The following TBL3 variants were observed in gnomAD, a reference collection of about 807,000 sequenced individuals.
TBL3 encodes transducin beta-like protein 3.
Under a neutral mutation model 102.7 loss-of-function variants are expected in TBL3, and 71 were observed. That is an observed-to-expected ratio of 0.69 (90% CI 0.57 to 0.84). TBL3 has a LOEUF of 0.84. TBL3 is among the 40% of genes least tolerant of loss of function. The pLI, the probability that TBL3 is intolerant of heterozygous loss-of-function variation, is 0.00. For synonymous variants in TBL3, 578 were observed against 477.7 expected, an observed-to-expected ratio of 1.21 and a Z score of -2.74; for missense variants, 1,188 against 1,098.5, an observed-to-expected ratio of 1.08 and a Z score of -1.15.
rs1182157679 is a variant in TBL3, at chr16:1,979,911, C to G, written c.*1226C>G. 3 of 1,580,106 alleles carry G rather than the reference C, an allele frequency of 1.9e-6. No homozygotes were observed. Among genetic ancestry groups the G allele is most frequent in the South Asian group, 2.3e-5 (2 of 87,136 alleles). Reference sequence around the variant, plus strand: ...TCTCCACCAGCCACCAGCCTGTGCGCAAGAAGCGGGCAGGGACTCAAATCT... The same window carrying G: ...TCTCCACCAGCCACCAGCCTGTGCGGAAGAAGCGGGCAGGGACTCAAATCT... On this transcript the variant is annotated 3_prime_UTR_variant, in exon 22 of 22. Coordinates refer to ENST00000568546, the MANE Select transcript of TBL3 (RefSeq NM_006453.3).
Position 1,975,995 on chromosome 16 carries a change from CCTTG to C in TBL3, c.1130-53_1130-50del, listed in dbSNP as rs760618724. On this transcript the variant is annotated intron_variant, in intron 11 of 21. Coordinates refer to ENST00000568546, the MANE Select transcript of TBL3 (RefSeq NM_006453.3). ...TGACACCCTGGGAGCCGCCTCGGTC[CCTTG>C]CTTGCTTCCCTTCCCCCGTCTTGCT... 1.1e-5 allele frequency: 17 copies of C among 1,614,074 alleles called. No homozygotes were observed. In the Admixed American group the frequency reaches 2.5e-4, roughly 24 times the overall value.
Position 1,976,867 on chromosome 16 carries a change from G to A in TBL3, c.1346G>A (p.Trp449Ter), listed in dbSNP as rs770350253. The change falls in exon 14 of 22, where the codon TGG becomes TAG. Residue 449 changes from tryptophan to a stop codon, truncating the protein, a stop_gained. Coordinates refer to ENST00000568546, the MANE Select transcript of TBL3 (RefSeq NM_006453.3). LOFTEE classifies it high-confidence loss of function. ...AGCCAGGACTGCACTGTGAAGCTGT[G>A]GCCTCTTCCCAAAGCCTTGCTGTCC... is the stretch of plus-strand genomic sequence containing the variant. ...TGSQDCTVKL[W>*]PLPKALLSKN... 15 of 1,613,926 alleles carry A rather than the reference G, an allele frequency of 9.3e-6. No individual in the cohort carries two copies. Among genetic ancestry groups the A allele is most frequent in the Non-Finnish European group, 8.5e-7 (1 of 1,179,984 alleles).
chr16:1,980,191 G>A lies in TBL3; in HGVS notation c.*1506G>A, dbSNP rs1282915718. 2 of 1,593,080 alleles carry A rather than the reference G, an allele frequency of 1.3e-6. No individual in the cohort carries two copies. The highest frequency in any genetic ancestry group is 1.3e-5 in the African/African-American group (1 of 74,770). The stretch of plus-strand genomic sequence containing the variant: ...GGGCAGGATCACCCGGCTGGGAAGG[G>A]CAGCCCGTACGAGTGAGAGGTAGGC... On this transcript the variant is annotated 3_prime_UTR_variant, in exon 22 of 22. Coordinates refer to ENST00000568546, the MANE Select transcript of TBL3 (RefSeq NM_006453.3).
At chr16:1,973,046 T>TG (rs2083371545) in intron 1 of TBL3, among the ~76,000 whole-genome samples, 1 of 152,108 alleles carries the variant, frequency 6.6e-6, no homozygotes, top group Non-Finnish European at 1.5e-5. Flanking sequence ...GAGGCTCTTC[T>TG]GGGCAAGGTC....
In TBL3 at chr16:1,979,473, G is replaced by C. The variant is rs2083452524; in HGVS notation, c.*788G>C. 1 of 1,611,524 alleles carries C rather than the reference G, an allele frequency of 6.2e-7. No individual in the cohort carries two copies. The highest frequency in any genetic ancestry group is 1.3e-5 in the African/African-American group (1 of 74,898). ...TGACGTTTCCAACACGCGCACGCGC[G>C]CCCCCGCGGGCACGGACAGCTCATC... On this transcript the variant is annotated 3_prime_UTR_variant, in exon 22 of 22. Transcript: ENST00000568546.
Position 1,981,253 on chromosome 16 carries a change from TGG to T in TBL3, c.*2572_*2573del, listed in dbSNP as rs1201238536. 12 of 1,594,964 alleles carry T rather than the reference TGG, an allele frequency of 7.5e-6. No homozygotes were observed. In the Admixed American group the frequency reaches 2.1e-4, roughly 28 times the overall value. On this transcript the variant is annotated 3_prime_UTR_variant, in exon 22 of 22. Transcript: ENST00000568546. The stretch of plus-strand genomic sequence containing the variant: ...TGCCTCCCCGTGCTTGAGAGGGCTC[TGG>T]GGGACCCAGAAAACCCCCTGGGATA...
chr16:1,978,753 G>C lies in TBL3; in HGVS notation c.*68G>C. 6.4e-7 allele frequency: 1 copy of C among 1,556,750 alleles called. No homozygotes were observed. The highest frequency in any genetic ancestry group is 8.7e-7 in the Non-Finnish European group (1 of 1,145,364). ...CCCATAAAGGCCGCTCTCCTGGCCGGCTCTGTCTCTCTGGACTGCAGTCCA... is the reference window on the plus strand; with the variant it reads ...CCCATAAAGGCCGCTCTCCTGGCCGCCTCTGTCTCTCTGGACTGCAGTCCA... On this transcript the variant is annotated 3_prime_UTR_variant, in exon 22 of 22. Coordinates refer to ENST00000568546, the MANE Select transcript of TBL3 (RefSeq NM_006453.3).
Position 1,974,461 on chromosome 16 carries a change from G to A in TBL3, c.237+38G>A, listed in dbSNP as rs202047508. 58 of 1,591,974 alleles carry A rather than the reference G, an allele frequency of 3.6e-5. No individual in the cohort carries two copies. In the African/African-American group the frequency reaches 5.0e-4, roughly 14 times the overall value. ...GGGCCTGGAGGGGACCCGCTCCAGCGCCTCCCTCCCAGACTGAGTCCAGGA... is the reference window on the plus strand; with the variant it reads ...GGGCCTGGAGGGGACCCGCTCCAGCACCTCCCTCCCAGACTGAGTCCAGGA... On this transcript the variant is annotated intron_variant, in intron 4 of 21. Coordinates refer to ENST00000568546, the MANE Select transcript of TBL3 (RefSeq NM_006453.3).
chr16:1,977,848 G>A (rs768708527), intron 18 of TBL3, 48 bp downstream of exon 18: 1 of 1,574,774 alleles, frequency 6.4e-7, no homozygotes, highest in Non-Finnish European at 8.6e-7. Flanking sequence ...CCTGCTCTGT[G>A]CTGTAGGGAA....
rs778686590 is a variant in TBL3 at position 1,977,599 on chromosome 16, GGGCT to G, written c.1830_1833del (p.Leu611ThrfsTer24). The G allele has an allele frequency of 1.3e-6, 2 of 1,567,830 alleles. No homozygotes were observed. Among genetic ancestry groups the G allele is most frequent in the Non-Finnish European group, 1.7e-6 (2 of 1,155,494 alleles). The stretch of plus-strand genomic sequence containing the variant: ...GGATGCCCACGAGGACAAGGTCTGG[GGGCT>G]GCACTGCAGCCGGCTGGACGACCAC... On this transcript the variant is annotated frameshift_variant, in exon 17 of 22. Coordinates refer to ENST00000568546, the MANE Select transcript of TBL3 (RefSeq NM_006453.3). LOFTEE classifies it high-confidence loss of function.
intron 13 of TBL3, 43 bp from the exon 14 acceptor site, chr16:1,976,771 G>C: frequency 1.2e-6 from 2 of 1,606,956 alleles, no homozygotes; most frequent in Non-Finnish European, 1.7e-6. Flanking sequence ...ATCAGGGCTG[G>C]CTGGGGCTCA....
chr16:1,978,764 C>G lies in TBL3; in HGVS notation c.*79C>G, dbSNP rs2083429913. Reference sequence around the variant, plus strand: ...CGCTCTCCTGGCCGGCTCTGTCTCTCTGGACTGCAGTCCAGCCCCCCACCC... The same window carrying G: ...CGCTCTCCTGGCCGGCTCTGTCTCTGTGGACTGCAGTCCAGCCCCCCACCC... On this transcript the variant is annotated 3_prime_UTR_variant, in exon 22 of 22. Coordinates refer to ENST00000568546, the MANE Select transcript of TBL3 (RefSeq NM_006453.3). 6.5e-7 allele frequency: 1 copy of G among 1,534,558 alleles called. No individual in the cohort carries two copies. The highest frequency in any genetic ancestry group is 8.8e-7 in the Non-Finnish European group (1 of 1,131,284).
rs2083495081 is a variant in TBL3, at chr16:1,980,910, C to T, written c.*2225C>T. On this transcript the variant is annotated 3_prime_UTR_variant, in exon 22 of 22. Transcript: ENST00000568546. ...CAGCCGCGTGGGGAAGCCGCCACCG[C>T]GGCATCAGGGTGGCCCAGGGTCACT... 4 of 1,596,692 alleles carry T rather than the reference C, an allele frequency of 2.5e-6. No individual in the cohort carries two copies. The highest frequency in any genetic ancestry group is 2.2e-5 in the East Asian group (1 of 44,678).
Position 1,980,333 on chromosome 16 carries a change from G to A in TBL3, c.*1648G>A, listed in dbSNP as rs1036173574. On this transcript the variant is annotated 3_prime_UTR_variant, in exon 22 of 22. Transcript: ENST00000568546. ...TGGACCTCTCCCAGCTCCAAACGCC[G>A]CTGCATGCTGGGAGTTTGGGGCGAG... 3 of 1,585,414 alleles carry A rather than the reference G, an allele frequency of 1.9e-6. No homozygotes were observed. Among genetic ancestry groups the A allele is most frequent in the Admixed American group, 3.4e-5 (2 of 58,796 alleles).
rs777423138 is a variant in TBL3, at chr16:1,981,229, G to C, written c.*2544G>C. 6.2e-7 allele frequency: 1 copy of C among 1,610,724 alleles called. No homozygotes were observed. The highest frequency in any genetic ancestry group is 8.5e-7 in the Non-Finnish European group (1 of 1,178,870). Reference sequence around the variant, plus strand: ...TCCTGAAATGGGCGAGGACCCTTCTGCCTCCCCGTGCTTGAGAGGGCTCTG... The same window carrying C: ...TCCTGAAATGGGCGAGGACCCTTCTCCCTCCCCGTGCTTGAGAGGGCTCTG... On this transcript the variant is annotated 3_prime_UTR_variant, in exon 22 of 22. Coordinates refer to ENST00000568546, the MANE Select transcript of TBL3 (RefSeq NM_006453.3).
chr16:1,976,181 C>T, intron 12 of TBL3, 30 bp from the exon 13 acceptor site: 2 of 1,614,004 alleles, frequency 1.2e-6, no homozygotes, highest in African/African-American at 1.3e-5. Context: ...GCCCATGGAC[C>T]AGCCTCTCTC....
In TBL3 at chr16:1,978,325, G is replaced by C; in HGVS notation, c.2147G>C (p.Arg716Pro). The change falls in exon 21 of 22, where the codon CGC (arginine) becomes CCC (proline). Residue 716 changes from arginine to proline, a missense_variant. By Grantham distance (103) the Arg-to-Pro change is moderately radical. Transcript: ENST00000568546. ...CTGTTGCCCACAGAGGCCCTGCTGC[G>C]CTTCTGCGTCACGTGGAACACCAAC... ...LRRDQKEALL[R>P]FCVTWNTNSR... 6.2e-7 allele frequency: 1 copy of C among 1,609,964 alleles called. No individual in the cohort carries two copies. The highest frequency in any genetic ancestry group is 8.5e-7 in the Non-Finnish European group (1 of 1,178,148).
At chr16:1,975,764 A>G (rs12927588) in intron 10 of TBL3, 44 bp from the exon 11 acceptor site, 135,067 of 1,613,670 alleles carry the variant, frequency 0.084, 6,344 homozygotes, top group Non-Finnish European at 0.092. Context: ...CCCTCCTCTT[A>G]CACAGGTCCT....
In TBL3 at chr16:1,980,153, G is replaced by T; in HGVS notation, c.*1468G>T. 3 of 1,604,696 alleles carry T rather than the reference G, an allele frequency of 1.9e-6. No individual in the cohort carries two copies. Among genetic ancestry groups the T allele is most frequent in the Non-Finnish European group, 2.5e-6 (3 of 1,178,038 alleles). On this transcript the variant is annotated 3_prime_UTR_variant, in exon 22 of 22. Transcript: ENST00000568546. ...CGGCCCGCAGCGCGAGAAAGAGGCT[G>T]CTCCTCTGGGGTGGGCAGGATCACC...
Sources: allele counts gnomAD v4.1 joint callset (sites outside exome capture counted in the v4.1 genomes callset), GRCh38; gene constraint gnomAD v4.1.1; transcripts MANE v1.5; gene names NCBI Gene and HGNC (gene_info 2026-07-23, HGNC 2026-07-21).